Variants in IL1RAPL2 observed in about 807,000 individuals in gnomAD.
The protein encoded by IL1RAPL2 is X-linked interleukin-1 receptor accessory protein-like 2.
IL1RAPL2 carries 3 observed loss-of-function variants against 44.1 expected under a neutral mutation model. That is an observed-to-expected ratio of 0.07 (90% CI 0.03 to 0.18). IL1RAPL2 has a LOEUF of 0.18. IL1RAPL2 is among the 10% of genes least tolerant of loss of function. The pLI, the probability that IL1RAPL2 is intolerant of heterozygous loss-of-function variation, is 1.00. For synonymous variants in IL1RAPL2, 181 were observed against 178.8 expected, an observed-to-expected ratio of 1.01 and a Z score of -0.10; for missense variants, 391 against 496.4, an observed-to-expected ratio of 0.79 and a Z score of 2.02.
chrX:105,215,864 A>C (rs2084894594), intron 3 of IL1RAPL2, among the ~76,000 whole-genome samples: 2 of 111,924 alleles, frequency 1.8e-5, no homozygotes, highest in South Asian at 7.5e-4. Flanking sequence ...CAAAAACCAC[A>C]TGATTATCTT....
At chrX:105,160,706 G>A (rs1013580755) in intron 2 of IL1RAPL2, among the ~76,000 whole-genome samples, 3 of 111,790 alleles carry the variant, frequency 2.7e-5, no homozygotes, top group African/African-American at 9.8e-5. Context: ...AGAGGGTATT[G>A]ATTGAGAGGT....
chrX:105,447,329 A>G (rs1220746820), intron 5 of IL1RAPL2, among the ~76,000 whole-genome samples: 1 of 65,351 alleles, frequency 1.5e-5, no homozygotes, highest in Non-Finnish European at 2.5e-5. Context: ...ATAAATATAT[A>G]TAAAAATATA....
At chrX:105,168,242 G>A (rs1165196693) in intron 2 of IL1RAPL2, among the ~76,000 whole-genome samples, 1 of 111,674 alleles carries the variant, frequency 9.0e-6, no homozygotes, top group Non-Finnish European at 1.9e-5. Flanking sequence ...ACATTTTATA[G>A]TTTTTTATGT....
At chrX:105,745,313 C>G (rs1305330738) in intron 8 of IL1RAPL2, among the ~76,000 whole-genome samples, 1 of 111,994 alleles carries the variant, frequency 8.9e-6, no homozygotes, top group Non-Finnish European at 1.9e-5. Context: ...CTTCTACCCT[C>G]TATCCATTAC....
At chrX:105,173,958 C>G (rs2033449162) in intron 2 of IL1RAPL2, among the ~76,000 whole-genome samples, 1 of 110,832 alleles carries the variant, frequency 9.0e-6, no homozygotes, top group Non-Finnish European at 1.9e-5. Flanking sequence ...GTCTCGAACT[C>G]CTGAGCTCAG....
At chrX:105,640,730 A>C (rs2037561314) in intron 6 of IL1RAPL2, among the ~76,000 whole-genome samples, 1 of 87,565 alleles carries the variant, frequency 1.1e-5, no homozygotes, top group African/African-American at 4.0e-5. Flanking sequence ...ACATATCTAT[A>C]TATATAGATA....
chrX:105,234,821 A>AAAG (rs1556199833), intron 4 of IL1RAPL2, among the ~76,000 whole-genome samples: 27 of 106,520 alleles, frequency 2.5e-4, no homozygotes, highest in African/African-American at 8.6e-4. Context: ...AAAAAAAAAA[A>AAAG]AAGAAGAGAG....
chrX:105,706,436 G>A (rs1340294308), intron 6 of IL1RAPL2, among the ~76,000 whole-genome samples: 1 of 111,752 alleles, frequency 8.9e-6, no homozygotes, highest in Non-Finnish European at 1.9e-5. Context: ...TACCAAGGAA[G>A]GAACAAAGAG....
chrX:105,166,300 A>C (rs988076947), intron 2 of IL1RAPL2, among the ~76,000 whole-genome samples: 2 of 111,417 alleles, frequency 1.8e-5, no homozygotes, highest in Non-Finnish European at 3.8e-5. Context: ...TGCCTGACGT[A>C]TAGGTGCTCG....
chrX:105,607,635 C>CAAAAA (rs11377516), intron 6 of IL1RAPL2, among the ~76,000 whole-genome samples: 13 of 15,716 alleles, frequency 8.3e-4, no homozygotes, highest in East Asian at 3.8e-3. Flanking sequence ...ATTCAGCAGA[C>CAAAAA]AAAAAAAAAA....
At chrX:104,842,548 G>C (rs927850326) in intron 2 of IL1RAPL2, among the ~76,000 whole-genome samples, 1 of 111,984 alleles carries the variant, frequency 8.9e-6, no homozygotes, top group East Asian at 2.8e-4. Context: ...TGATCTTGAG[G>C]CTGATGACCT....
At chrX:104,889,603 T>C (rs1286951890) in intron 2 of IL1RAPL2, among the ~76,000 whole-genome samples, 2 of 111,176 alleles carry the variant, frequency 1.8e-5, no homozygotes, top group Non-Finnish European at 3.8e-5. Context: ...ACATTATCAG[T>C]ACCCCTCAAA....
At chrX:105,143,020 T>A (rs1424121237) in intron 2 of IL1RAPL2, among the ~76,000 whole-genome samples, 3 of 111,189 alleles carry the variant, frequency 2.7e-5, no homozygotes, top group African/African-American at 9.8e-5. Context: ...CTTAATCCAG[T>A]CTATCATTGT....
chrX:104,880,402 T>A (rs768074293), intron 2 of IL1RAPL2, among the ~76,000 whole-genome samples: 2 of 111,937 alleles, frequency 1.8e-5, no homozygotes, highest in Non-Finnish European at 3.8e-5. Flanking sequence ...GCCTCTGCAG[T>A]GGTCTACCAT....
chrX:105,443,494 C>T (rs1170478885), intron 5 of IL1RAPL2, among the ~76,000 whole-genome samples: 1 of 111,732 alleles, frequency 8.9e-6, no homozygotes, highest in Non-Finnish European at 1.9e-5. Context: ...ACCTCTCCCA[C>T]AATCCCCCAC....
At chrX:104,832,609 A>G (rs1266937867) in intron 2 of IL1RAPL2, among the ~76,000 whole-genome samples, 2 of 111,866 alleles carry the variant, frequency 1.8e-5, no homozygotes, top group African/African-American at 6.5e-5. Flanking sequence ...TCCCGGGAAT[A>G]GGTTAGAATT....
chrX:105,361,282 T>A (rs1310912126), intron 5 of IL1RAPL2, among the ~76,000 whole-genome samples: 1 of 111,715 alleles, frequency 9.0e-6, no homozygotes, highest in Non-Finnish European at 1.9e-5. Context: ...ACTGACATAT[T>A]TTGAGTCATT....
chrX:104,904,919 A>G (rs1413489588), intron 2 of IL1RAPL2, among the ~76,000 whole-genome samples: 2 of 111,279 alleles, frequency 1.8e-5, no homozygotes, highest in Non-Finnish European at 3.8e-5. Flanking sequence ...ACTCCCACCA[A>G]CAGTGTAAAA....
intron 2 of IL1RAPL2, among the ~76,000 whole-genome samples, chrX:104,910,288 A>G (rs1924193254): frequency 8.9e-6 from 1 of 111,846 alleles, no homozygotes; most frequent in Non-Finnish European, 1.9e-5. Context: ...GGTGCCTAGG[A>G]TGGAAATGCA....
Sources: allele counts gnomAD v4.1 joint callset (sites outside exome capture counted in the v4.1 genomes callset), GRCh38; gene constraint gnomAD v4.1.1; transcripts MANE v1.5; gene names NCBI Gene and HGNC (gene_info 2026-07-23, HGNC 2026-07-21).